KLF13: variants seen among roughly 807,000 people sequenced by gnomAD.
KLF13 encodes the protein Krueppel-like factor 13.
KLF13 carries 8 observed loss-of-function variants against 16.7 expected under a neutral mutation model. That is an observed-to-expected ratio of 0.48 (90% CI 0.28 to 0.87). The LOEUF is 0.87. KLF13 is among the 40% of genes least tolerant of loss of function. KLF13 has a pLI of 0.10. For synonymous variants in KLF13, 245 were observed against 208.4 expected (o/e 1.18, Z -1.51); for missense variants, 447 against 452.2 (o/e 0.99, Z 0.10).
intron 2 of KLF13, among the ~76,000 whole-genome samples, chr15:31,399,643 G>A (rs74010625): frequency 0.033 from 5,021 of 152,342 alleles, 307 homozygotes; most frequent in African/African-American, 0.12. Context: ...ACTAACCTCC[G>A]CCTCGTGGCT....
At chr15:31,330,429 G>A (rs956492157) in intron 1 of KLF13, among the ~76,000 whole-genome samples, 1 of 152,236 alleles carries the variant, frequency 6.6e-6, no homozygotes, top group Non-Finnish European at 1.5e-5. Context: ...GCTGCTCTGT[G>A]CTGTTCCTCT....
chr15:31,365,082 C>G (rs1314568281), intron 1 of KLF13, among the ~76,000 whole-genome samples: 1 of 152,202 alleles, frequency 6.6e-6, no homozygotes, highest in Non-Finnish European at 1.5e-5. Flanking sequence ...AGGTTGGGAG[C>G]TAGAAGTGGC....
chr15:31,390,334 G>A (rs1367071995), upstream of KLF13, among the ~76,000 whole-genome samples: 1 of 152,174 alleles, frequency 6.6e-6, no homozygotes, highest in Non-Finnish European at 1.5e-5. Flanking sequence ...TGCATGGGAC[G>A]ATGGGTTTCT....
At chr15:31,396,018 TTTTC>T (rs970336131) in intron 2 of KLF13, among the ~76,000 whole-genome samples, 43 of 152,232 alleles carry the variant, frequency 2.8e-4, no homozygotes, top group Admixed American at 7.9e-4. Context: ...GTTTTTTTGT[TTTTC>T]TTTCTTTCTT....
chr15:31,404,456 GGCTA>G (rs1187003568), exon 3 of KLF13: 1 of 152,194 alleles, frequency 6.6e-6, no homozygotes, highest in Non-Finnish European at 1.5e-5. Flanking sequence ...AGCTCTCTGT[GGCTA>G]GCTAGAGGTT....
At chr15:31,369,171 G>A (rs1224774922) in intron 1 of KLF13, among the ~76,000 whole-genome samples, 12 of 152,070 alleles carry the variant, frequency 7.9e-5, no homozygotes, top group African/African-American at 2.2e-4. Flanking sequence ...ATTTAGATAC[G>A]TTCTTTGCAC....
chr15:31,405,362 C>T (rs940819262), downstream of KLF13, among the ~76,000 whole-genome samples: 1 of 152,228 alleles, frequency 6.6e-6, no homozygotes, highest in East Asian at 1.9e-4. Context: ...AACCCCCTCT[C>T]CTCTTCTGCC....
chr15:31,381,119 C>T (rs1263232582), downstream of KLF13, among the ~76,000 whole-genome samples: 1 of 142,360 alleles, frequency 7.0e-6, no homozygotes, highest in East Asian at 2.1e-4. Context: ...TTGCAGTGAG[C>T]GAAGATCGCG....
chr15:31,392,888 C>T (rs1284996257), exon 1 of KLF13: 2 of 149,164 alleles, frequency 1.3e-5, no homozygotes, highest in Admixed American at 6.7e-5. Flanking sequence ...CGGTCCGAAA[C>T]GGCTCTAGGT....
intron 1 of KLF13, among the ~76,000 whole-genome samples, chr15:31,368,904 C>T (rs768777450): frequency 1.3e-5 from 2 of 152,126 alleles, no homozygotes; most frequent in Non-Finnish European, 2.9e-5. Flanking sequence ...AATCCTCTCA[C>T]CAGTCCAGCC....
intron 1 of KLF13, among the ~76,000 whole-genome samples, chr15:31,368,285 G>A (rs1191537574): frequency 3.3e-5 from 5 of 152,172 alleles, no homozygotes; most frequent in Non-Finnish European, 5.9e-5. Context: ...AACCTCATCT[G>A]TCAGACCTGA....
At chr15:31,340,225 A>C (rs963068500) in intron 1 of KLF13, among the ~76,000 whole-genome samples, 1 of 152,140 alleles carries the variant, frequency 6.6e-6, no homozygotes, top group Non-Finnish European at 1.5e-5. Flanking sequence ...CTCATGGCCA[A>C]CCTCAGGCGT....
At chr15:31,357,559 C>T (rs2039318934) in intron 1 of KLF13, among the ~76,000 whole-genome samples, 1 of 152,206 alleles carries the variant, frequency 6.6e-6, no homozygotes, top group Non-Finnish European at 1.5e-5. Context: ...TCCTGCTGCA[C>T]ACTGGGAGAG....
chr15:31,348,125 A>C (rs2039155203), intron 1 of KLF13, among the ~76,000 whole-genome samples: 1 of 152,208 alleles, frequency 6.6e-6, no homozygotes, highest in Admixed American at 6.5e-5. Context: ...AGTGGAAAAC[A>C]CGCAGGCTTT....
chr15:31,346,476 A>AAGCCC (rs1230239636), intron 1 of KLF13, among the ~76,000 whole-genome samples: 1 of 152,132 alleles, frequency 6.6e-6, no homozygotes, highest in Non-Finnish European at 1.5e-5. Flanking sequence ...CAGCTGTGGA[A>AAGCCC]AGCCCCCAGG....
intron 2 of KLF13, among the ~76,000 whole-genome samples, chr15:31,395,937 A>T (rs2039946299): frequency 6.6e-6 from 1 of 152,194 alleles, no homozygotes. Context: ...TCCTCTGCCT[A>T]CTGGACATTC....
chr15:31,396,875 TTAAACTA>T (rs1377398679), intron 2 of KLF13, among the ~76,000 whole-genome samples: 3 of 152,186 alleles, frequency 2.0e-5, no homozygotes, highest in Admixed American at 1.3e-4. Context: ...AGTCTTTGTT[TTAAACTA>T]TAAACTATAA....
At chr15:31,356,569 A>T (rs1295243403) in intron 1 of KLF13, among the ~76,000 whole-genome samples, 1 of 152,238 alleles carries the variant, frequency 6.6e-6, no homozygotes, top group Admixed American at 6.5e-5. Context: ...AAGTGAGAAC[A>T]TGCAGTGTTT....
At chr15:31,384,345 T>C (rs1424045002) in intron 1 of KLF13, among the ~76,000 whole-genome samples, 1 of 152,046 alleles carries the variant, frequency 6.6e-6, no homozygotes, top group East Asian at 1.9e-4. Context: ...GGCAGGAGAA[T>C]GGCTTAAACC....
Sources: allele counts gnomAD v4.1 joint callset (sites outside exome capture counted in the v4.1 genomes callset), GRCh38; gene constraint gnomAD v4.1.1; transcripts MANE v1.5; gene names NCBI Gene and HGNC (gene_info 2026-07-23, HGNC 2026-07-21).